Variants in TMEM156 observed in about 807,000 individuals in gnomAD.
The protein encoded by TMEM156 is transmembrane protein 156.
A neutral mutation model predicts 30.5 loss-of-function variants in TMEM156; 28 were observed. That is an observed-to-expected ratio of 0.92 (90% CI 0.68 to 1.26). The LOEUF (loss-of-function observed/expected upper bound fraction) is 1.26, where lower values mean the gene tolerates loss of function less well. Among genes scored for constraint, TMEM156 ranks in the 50% most tolerant of loss-of-function variants. The probability of loss-of-function intolerance (pLI) is 0.00; values close to 1 mark genes in which losing one functional copy is unlikely to be tolerated. For missense variants in TMEM156, 351 were observed against 340.6 expected (o/e 1.03, Z -0.24); for synonymous variants, 137 against 119.9 (o/e 1.14, Z -0.93).
intron 1 of TMEM156, among the ~76,000 whole-genome samples, chr4:39,003,425 C>A (rs894074037): frequency 6.6e-6 from 1 of 152,032 alleles, no homozygotes; most frequent in Non-Finnish European, 1.5e-5. Context: ...ACCTCTTCCT[C>A]CTGGGTTCAA....
chr4:38,997,506 GA>G (rs1314562968), intron 2 of TMEM156, among the ~76,000 whole-genome samples: 1 of 152,114 alleles, frequency 6.6e-6, no homozygotes, highest in Non-Finnish European at 1.5e-5. Flanking sequence ...TAAATGCCAA[GA>G]AATTATGTTC....
intron 1 of TMEM156, among the ~76,000 whole-genome samples, chr4:39,025,019 T>C (rs1394245119): frequency 2.0e-5 from 3 of 152,168 alleles, no homozygotes; most frequent in Non-Finnish European, 4.4e-5. Context: ...CATTAACATA[T>C]GATGTTTTCC....
chr4:39,016,095 G>T (rs1329287222), intron 1 of TMEM156, among the ~76,000 whole-genome samples: 1 of 152,106 alleles, frequency 6.6e-6, no homozygotes, highest in Non-Finnish European at 1.5e-5. Flanking sequence ...AACCAGCTTG[G>T]CTGGGTGTGG....
intron 3 of TMEM156, among the ~76,000 whole-genome samples, chr4:38,989,616 A>G (rs1186897211): frequency 1.3e-5 from 2 of 152,152 alleles, no homozygotes; most frequent in African/African-American, 4.8e-5. Context: ...GATGACAATG[A>G]GGCAACATGG....
At chr4:38,990,209 T>A (rs1712322344) in intron 3 of TMEM156, among the ~76,000 whole-genome samples, 1 of 152,248 alleles carries the variant, frequency 6.6e-6, no homozygotes, top group Admixed American at 6.5e-5. Flanking sequence ...TGGTATGAAC[T>A]GCCTTTGTGG....
intron 3 of TMEM156, among the ~76,000 whole-genome samples, chr4:38,989,565 C>T (rs774280074): frequency 1.3e-5 from 2 of 152,122 alleles, no homozygotes; most frequent in Non-Finnish European, 2.9e-5. Flanking sequence ...GTTGCCCTGG[C>T]CTAAATTTAA....
intron 1 of TMEM156, among the ~76,000 whole-genome samples, chr4:39,019,796 C>T (rs904728428): frequency 2.6e-5 from 4 of 152,066 alleles, no homozygotes; most frequent in Admixed American, 6.6e-5. Context: ...ATACCATTTT[C>T]GTTTGTGTGT....
intron 1 of TMEM156, among the ~76,000 whole-genome samples, chr4:39,018,178 A>G (rs1714625113): frequency 6.6e-6 from 1 of 152,066 alleles, no homozygotes; most frequent in Non-Finnish European, 1.5e-5. Flanking sequence ...TAGTTACCAT[A>G]GTAATTTTTA....
At chr4:38,967,924 C>A (rs924959372) in intron 6 of TMEM156, among the ~76,000 whole-genome samples, 1 of 152,184 alleles carries the variant, frequency 6.6e-6, no homozygotes, top group Non-Finnish European at 1.5e-5. Flanking sequence ...CTAAATGGAA[C>A]AGTAGTTCTA....
At chr4:38,974,641 A>G (rs1722763057) in intron 5 of TMEM156, among the ~76,000 whole-genome samples, 1 of 150,554 alleles carries the variant, frequency 6.6e-6, no homozygotes, top group South Asian at 2.1e-4. Flanking sequence ...AAAATTATAT[A>G]TTTTAACTGA....
intron 1 of TMEM156, among the ~76,000 whole-genome samples, chr4:39,021,421 A>T (rs188586214): frequency 1.1e-3 from 161 of 152,110 alleles, no homozygotes; most frequent in African/African-American, 3.6e-3. Flanking sequence ...ATAAAAAGAA[A>T]AGAAAAGAAA....
chr4:38,986,064 C>A (rs1711957531), intron 5 of TMEM156, among the ~76,000 whole-genome samples: 1 of 152,202 alleles, frequency 6.6e-6, no homozygotes, highest in South Asian at 2.1e-4. Context: ...TAAGTCTTAT[C>A]CCTATTGCTT....
At chr4:38,992,712 TTATATA>T (rs1470732212) in intron 3 of TMEM156, among the ~76,000 whole-genome samples, 6 of 41,084 alleles carry the variant, frequency 1.5e-4, no homozygotes, top group African/African-American at 3.7e-4. Context: ...TATATATATA[TTATATA>T]TATATAATAT....
At chr4:38,989,660 C>T (rs754064707) in intron 3 of TMEM156, among the ~76,000 whole-genome samples, 5 of 152,304 alleles carry the variant, frequency 3.3e-5, no homozygotes, top group East Asian at 3.9e-4. Flanking sequence ...TAGCTTAGCA[C>T]GGTCTCCCAT....
chr4:39,026,656 G>A (rs1715220634), intron 1 of TMEM156, among the ~76,000 whole-genome samples: 1 of 152,132 alleles, frequency 6.6e-6, no homozygotes, highest in South Asian at 2.1e-4. Flanking sequence ...GCTGGGTGTG[G>A]TGGCTCACAC....
At chr4:39,029,100 C>T (rs993017336) in intron 1 of TMEM156, among the ~76,000 whole-genome samples, 2 of 152,082 alleles carry the variant, frequency 1.3e-5, no homozygotes, top group African/African-American at 4.8e-5. Context: ...TAACTTAGGA[C>T]TTCAGAGGGC....
chr4:39,030,147 CAGCCT>C (rs1715432197), intron 1 of TMEM156, among the ~76,000 whole-genome samples: 1 of 148,520 alleles, frequency 6.7e-6, no homozygotes, highest in Non-Finnish European at 1.5e-5. Context: ...GCCCAGGAGT[CAGCCT>C]AGGCAACACA....
intron 1 of TMEM156, among the ~76,000 whole-genome samples, chr4:39,006,637 C>T (rs1036413552): frequency 2.0e-5 from 3 of 152,120 alleles, no homozygotes; most frequent in Admixed American, 6.6e-5. Flanking sequence ...TACGGACTGC[C>T]TGGGCACAGT....
chr4:39,027,623 T>G (rs974695661), intron 1 of TMEM156, among the ~76,000 whole-genome samples: 1 of 146,130 alleles, frequency 6.8e-6, no homozygotes, highest in African/African-American at 2.5e-5. Context: ...TGGGGTGATC[T>G]CAGCTCACTG....
Sources: gnomAD v4.1 joint callset for allele counts (sites outside exome capture counted in the v4.1 genomes callset) on GRCh38, gnomAD v4.1.1 for gene constraint, MANE v1.5 for transcripts, NCBI Gene and HGNC (gene_info 2026-07-23, HGNC 2026-07-21) for gene names.